The following KCNAB1 variants were observed in gnomAD, a reference collection of about 807,000 sequenced individuals.
KCNAB1 encodes the protein potassium voltage-gated channel subfamily A regulatory beta subunit 1.
A neutral mutation model predicts 64.6 loss-of-function variants in KCNAB1; 35 were observed. That is an observed-to-expected ratio of 0.54 (90% CI 0.41 to 0.72). The LOEUF is 0.72. Ranked by LOEUF, KCNAB1 falls within the 30% of genes least tolerant of loss-of-function variation. KCNAB1 has a pLI of 0.00. For synonymous variants in KCNAB1, 177 were observed against 183.8 expected, an observed-to-expected ratio of 0.96 and a Z score of 0.30; for missense variants, 401 against 512.9, an observed-to-expected ratio of 0.78 and a Z score of 2.11.
At chr3:156,151,405 G>A (rs1715403530) in intron 1 of KCNAB1, among the ~76,000 whole-genome samples, 1 of 152,144 alleles carries the variant, frequency 6.6e-6, no homozygotes, top group African/African-American at 2.4e-5. Context: ...CCAAAGAAAT[G>A]AATCCCTAAT....
At chr3:156,188,808 G>A (rs1277023577) in intron 1 of KCNAB1, among the ~76,000 whole-genome samples, 1 of 152,118 alleles carries the variant, frequency 6.6e-6, no homozygotes, top group Non-Finnish European at 1.5e-5. Flanking sequence ...CTGAGGCCTT[G>A]GAAGAAAGCT....
intron 2 of KCNAB1, among the ~76,000 whole-genome samples, chr3:156,450,601 G>A (rs1026334180): frequency 1.8e-4 from 27 of 152,166 alleles, no homozygotes; most frequent in African/African-American, 6.0e-4. Flanking sequence ...ATTCAAAAGA[G>A]ACTCTTTTAT....
intron 2 of KCNAB1, among the ~76,000 whole-genome samples, chr3:156,428,488 T>TACACACACACACACACACACACACAC (rs4056995): frequency 3.1e-4 from 39 of 127,566 alleles, no homozygotes; most frequent in Admixed American, 1.0e-3. Flanking sequence ...AATTCCTCTA[T>TACACACACACACACACACACACACAC]ACACACACAC....
chr3:156,395,543 TCAAAAAAAA>T (rs1713381545), intron 1 of KCNAB1, among the ~76,000 whole-genome samples: 1 of 8,434 alleles, frequency 1.2e-4, no homozygotes, highest in East Asian at 3.8e-3. Context: ...AGACTCCGTC[TCAAAAAAAA>T]AAAAAAAAAA....
At chr3:156,522,389 G>A (rs943133148) in intron 11 of KCNAB1, among the ~76,000 whole-genome samples, 24 of 152,130 alleles carry the variant, frequency 1.6e-4, no homozygotes, top group African/African-American at 5.3e-4. Context: ...AGTCTGCCCC[G>A]GCCCCAAGGC....
rs1029314860 is a variant in KCNAB1, at chr3:156,197,941, C to T, written c.275+77055C>T. ...CTGGGCATTTAGTGCTATATATTTC[C>T]GTCTTAACACTGCTTAACTGTGTCC... On this transcript the variant is annotated intron_variant, in intron 1 of 13. Coordinates refer to ENST00000490337, the MANE Select transcript of KCNAB1 (RefSeq NM_172160.3). Among the ~76,000 whole-genome samples the T allele has an allele frequency of 3.3e-5, 5 of 152,106 alleles. No individual in the cohort carries two copies. In the East Asian group the frequency reaches 7.7e-4, roughly 23 times the overall value.
At chr3:156,199,922 A>C (rs1173945004) in intron 1 of KCNAB1, among the ~76,000 whole-genome samples, 1 of 152,010 alleles carries the variant, frequency 6.6e-6, no homozygotes, top group African/African-American at 2.4e-5. Context: ...AATTTTCATC[A>C]CTTTTGCACT....
At chr3:156,273,407 T>G in intron 1 of KCNAB1, 1 of 328,758 alleles carries the variant, frequency 3.0e-6, no homozygotes, top group African/African-American at 2.2e-5. Flanking sequence ...CTGGGATGGG[T>G]AATTCCCCTC....
At chr3:156,127,379 G>A (rs1016342058) in intron 1 of KCNAB1, among the ~76,000 whole-genome samples, 5 of 152,156 alleles carry the variant, frequency 3.3e-5, no homozygotes, top group Non-Finnish European at 7.3e-5. Flanking sequence ...TTCTTGTCAT[G>A]TTTGCATGAG....
At chr3:156,512,897 A>G (rs1439057207) in intron 8 of KCNAB1, among the ~76,000 whole-genome samples, 1 of 152,246 alleles carries the variant, frequency 6.6e-6, no homozygotes, top group Non-Finnish European at 1.5e-5. Context: ...CTTCCAAAAA[A>G]GAAATCAAGG....
At chr3:156,412,160 T>G (rs536953867) in intron 1 of KCNAB1, among the ~76,000 whole-genome samples, 6 of 152,170 alleles carry the variant, frequency 3.9e-5, no homozygotes, top group Non-Finnish European at 7.4e-5. Flanking sequence ...TATTACTCTT[T>G]TAAATTTTGA....
intron 2 of KCNAB1, among the ~76,000 whole-genome samples, chr3:156,433,790 T>C (rs1189925710): frequency 6.6e-6 from 1 of 152,220 alleles, no homozygotes; most frequent in African/African-American, 2.4e-5. Context: ...GGCTTGATTG[T>C]TGCTTTCCTG....
intron 1 of KCNAB1, among the ~76,000 whole-genome samples, chr3:156,181,250 T>C (rs942093968): frequency 2.0e-5 from 3 of 152,052 alleles, no homozygotes; most frequent in African/African-American, 7.3e-5. Flanking sequence ...CCATGACAGA[T>C]GGGTAAACTA....
Position 156,452,113 on chromosome 3 carries a change from G to A in KCNAB1, c.320-786G>A, listed in dbSNP as rs1001706199. 6.6e-6 allele frequency among the ~76,000 whole-genome samples: 1 copy of A among 152,128 alleles called. No individual in the cohort carries two copies. The highest frequency in any genetic ancestry group is 2.4e-5 in the African/African-American group (1 of 41,416). The stretch of plus-strand genomic sequence containing the variant: ...TCAAAAGAATTCATTCCCTCCTTTA[G>A]GAAGGGAAAGGAAGGGAATAAATCC... On this transcript the variant is annotated intron_variant, in intron 2 of 13. Coordinates refer to ENST00000490337, the MANE Select transcript of KCNAB1 (RefSeq NM_172160.3). This position sits in a 1 kb window ranked among gnomAD's most constrained non-coding sequence, Gnocchi z 4.6.
chr3:156,129,276 GA>G (rs1407882678), intron 1 of KCNAB1, among the ~76,000 whole-genome samples: 1 of 151,940 alleles, frequency 6.6e-6, no homozygotes, highest in East Asian at 1.9e-4. Context: ...ACTCCATATC[GA>G]AGGTCAACCT....
intron 12 of KCNAB1, among the ~76,000 whole-genome samples, chr3:156,529,957 C>T (rs1475351499): frequency 6.6e-6 from 1 of 152,184 alleles, no homozygotes; most frequent in Non-Finnish European, 1.5e-5. Context: ...CAGAAGTCCA[C>T]TGTAATCACC....
chr3:156,144,916 C>T (rs4605502), intron 1 of KCNAB1, among the ~76,000 whole-genome samples: 83,563 of 152,002 alleles, frequency 0.55, 23,774 homozygotes, highest in Admixed American at 0.71. Flanking sequence ...TCTAGGAAAG[C>T]ATTTTTCAAA....
chr3:156,289,598 G>T (rs1225318266), intron 1 of KCNAB1, among the ~76,000 whole-genome samples: 1 of 152,140 alleles, frequency 6.6e-6, no homozygotes, highest in African/African-American at 2.4e-5. Context: ...AGACTTATTT[G>T]TTCCTTTCCC....
At chr3:156,374,189 C>T (rs1447296034) in intron 1 of KCNAB1, among the ~76,000 whole-genome samples, 1 of 152,156 alleles carries the variant, frequency 6.6e-6, no homozygotes, top group Non-Finnish European at 1.5e-5. Flanking sequence ...AACTGGGTGG[C>T]CTCAGGAAAC....
Sources: allele counts gnomAD v4.1 joint callset (sites outside exome capture counted in the v4.1 genomes callset), GRCh38; gene constraint gnomAD v4.1.1; non-coding constraint Gnocchi (gnomAD v3.1); transcripts MANE v1.5; gene names NCBI Gene and HGNC (gene_info 2026-07-23, HGNC 2026-07-21).